ZNRF1: variants seen among roughly 807,000 people sequenced by gnomAD.
ZNRF1 encodes the protein zinc and ring finger 1, also known as E3 ubiquitin-protein ligase ZNRF1.
In ZNRF1, 3 loss-of-function variants were observed where a neutral mutation model predicts 18.4. That is an observed-to-expected ratio of 0.16 (90% confidence interval 0.07 to 0.42). ZNRF1 has a LOEUF of 0.42. Among genes scored for constraint, ZNRF1 ranks in the 10% least tolerant of loss-of-function variants. ZNRF1 has a pLI of 0.99. For synonymous variants in ZNRF1, 157 were observed against 144.2 expected (o/e 1.09, Z -0.64); for missense variants, 310 against 329.8 (o/e 0.94, Z 0.47).
At chr16:75,103,809 A>AC (rs1171372978) in intron 2 of ZNRF1, among the ~76,000 whole-genome samples, 1 of 151,958 alleles carries the variant, frequency 6.6e-6, no homozygotes, top group Non-Finnish European at 1.5e-5. Context: ...ACATGGTGAA[A>AC]CCCCGTCTCT....
At chr16:75,080,689 A>G (rs2035999364) in intron 1 of ZNRF1, among the ~76,000 whole-genome samples, 1 of 151,982 alleles carries the variant, frequency 6.6e-6, no homozygotes, top group Non-Finnish European at 1.5e-5. Context: ...AGTTAGTTGG[A>G]GGTTGGAATT....
chr16:75,045,579 G>T (rs199769997), intron 1 of ZNRF1, among the ~76,000 whole-genome samples: 6 of 127,146 alleles, frequency 4.7e-5, no homozygotes, highest in Admixed American at 1.6e-4. Flanking sequence ...TTGTTTGTTT[G>T]TTTTTTAAGA....
At chr16:75,057,372 T>A (rs2035682030) in intron 1 of ZNRF1, among the ~76,000 whole-genome samples, 1 of 152,200 alleles carries the variant, frequency 6.6e-6, no homozygotes, top group Non-Finnish European at 1.5e-5. Context: ...GGAGTTTTTT[T>A]TAATATATTG....
chr16:75,035,108 A>T (rs1053689722), intron 1 of ZNRF1, among the ~76,000 whole-genome samples: 2 of 151,078 alleles, frequency 1.3e-5, no homozygotes, highest in African/African-American at 2.4e-5. Context: ...TGCTTGCTGC[A>T]ATCCCCACCC....
intron 2 of ZNRF1, 109 bp downstream of exon 2, chr16:75,093,776 G>A: frequency 1.3e-6 from 1 of 791,942 alleles, no homozygotes; most frequent in South Asian, 1.6e-5. Flanking sequence ...TTTTCACCCT[G>A]CCCTCTGGCA....
chr16:75,029,496 G>T (rs1289957813), intron 1 of ZNRF1, among the ~76,000 whole-genome samples: 1 of 152,180 alleles, frequency 6.6e-6, no homozygotes, highest in Non-Finnish European at 1.5e-5. Flanking sequence ...GCTGGACTCA[G>T]TGGCTCACAC....
At chr16:75,012,245 C>G (rs576313803) in intron 1 of ZNRF1, among the ~76,000 whole-genome samples, 1 of 152,192 alleles carries the variant, frequency 6.6e-6, no homozygotes, top group Non-Finnish European at 1.5e-5. Flanking sequence ...AGTAGCATGA[C>G]CAGTGAGACT....
chr16:75,021,319 G>A (rs868256084), intron 1 of ZNRF1, among the ~76,000 whole-genome samples: 3 of 152,202 alleles, frequency 2.0e-5, no homozygotes, highest in Non-Finnish European at 2.9e-5. Flanking sequence ...GATTACAGGC[G>A]TGAGCCAGGC....
chr16:75,058,765 G>C (rs1249465566), intron 1 of ZNRF1, among the ~76,000 whole-genome samples: 3 of 152,184 alleles, frequency 2.0e-5, no homozygotes, highest in African/African-American at 7.2e-5. Context: ...CTGCTGGTTG[G>C]ACTCAGGAGA....
intron 1 of ZNRF1, among the ~76,000 whole-genome samples, chr16:75,064,777 A>G (rs968187827): frequency 6.6e-6 from 1 of 152,192 alleles, no homozygotes; most frequent in Non-Finnish European, 1.5e-5. Context: ...AGACCTTTTC[A>G]GGCTGTTCCT....
At chr16:75,099,999 C>T (rs1208554261) in intron 2 of ZNRF1, among the ~76,000 whole-genome samples, 1 of 152,214 alleles carries the variant, frequency 6.6e-6, no homozygotes, top group Non-Finnish European at 1.5e-5. Flanking sequence ...GTGCCTCCTG[C>T]CTCCTGCTGT....
chr16:75,091,042 C>T (rs940228246), intron 1 of ZNRF1, among the ~76,000 whole-genome samples: 5 of 152,144 alleles, frequency 3.3e-5, no homozygotes, highest in African/African-American at 1.2e-4. Flanking sequence ...TGAGACACCG[C>T]ACCCAGCCAC....
intron 2 of ZNRF1, among the ~76,000 whole-genome samples, chr16:75,099,002 GTTCCTCC>G (rs2036228520): frequency 6.6e-6 from 1 of 152,202 alleles, no homozygotes; most frequent in South Asian, 2.1e-4. Flanking sequence ...CAGTGACCAG[GTTCCTCC>G]ATCCACCTTG....
chr16:75,088,446 GA>G (rs1361471405), intron 1 of ZNRF1, among the ~76,000 whole-genome samples: 1 of 151,966 alleles, frequency 6.6e-6, no homozygotes, highest in Admixed American at 6.5e-5. Flanking sequence ...GAGTTCCTAG[GA>G]AAAAAAAGTG....
At position 75,104,735 on chromosome 16, in the gene ZNRF1, T is replaced by G. The variant is rs761927555; in HGVS notation, c.521-49T>G. On this transcript the variant is annotated intron_variant, in intron 2 of 4. Coordinates refer to ENST00000335325, the MANE Select transcript of ZNRF1 (RefSeq NM_032268.5). ...AGGCCCTTGCTTGCCCCATGCCACCTGTCCACTGGTGACTAACCCTCCTGC... is the reference window on the plus strand; with the variant it reads ...AGGCCCTTGCTTGCCCCATGCCACCGGTCCACTGGTGACTAACCCTCCTGC... 10 of 1,517,642 alleles carry G rather than the reference T, an allele frequency of 6.6e-6. No individual in the cohort carries two copies. The South Asian group carries it at 9.6e-5, about 15-fold the overall frequency. The allele number at this position is 1,517,642 out of a possible 1,614,324, so 94.0% of individuals were successfully genotyped here.
At chr16:75,096,076 G>GTC (rs2036196610) in intron 2 of ZNRF1, among the ~76,000 whole-genome samples, 1 of 144,318 alleles carries the variant, frequency 6.9e-6, no homozygotes, top group Admixed American at 6.8e-5. Flanking sequence ...GTGTGTGTGT[G>GTC]TGTGTGTGTG....
intron 1 of ZNRF1, among the ~76,000 whole-genome samples, chr16:75,056,243 T>G (rs2035666452): frequency 6.6e-6 from 1 of 152,250 alleles, no homozygotes; most frequent in African/African-American, 2.4e-5. Context: ...AGGATCAGTT[T>G]CATTCTATTC....
At chr16:75,038,988 T>C (rs1167321325) in intron 1 of ZNRF1, among the ~76,000 whole-genome samples, 1 of 152,212 alleles carries the variant, frequency 6.6e-6, no homozygotes, top group Non-Finnish European at 1.5e-5. Context: ...TCTTCTTCTG[T>C]GTTTAATCTC....
At chr16:75,018,273 T>A (rs1567467342) in intron 1 of ZNRF1, among the ~76,000 whole-genome samples, 1 of 152,250 alleles carries the variant, frequency 6.6e-6, no homozygotes, top group Non-Finnish European at 1.5e-5. Flanking sequence ...TAAAATTGTT[T>A]ATAATTGTTT....
Sources: gnomAD v4.1 joint callset for allele counts (sites outside exome capture counted in the v4.1 genomes callset) on GRCh38, gnomAD v4.1.1 for gene constraint, MANE v1.5 for transcripts, NCBI Gene and HGNC (gene_info 2026-07-23, HGNC 2026-07-21) for gene names.